Variants in ITGB1BP1 observed in about 807,000 individuals in gnomAD.
ITGB1BP1 encodes the protein integrin beta-1-binding protein 1.
ITGB1BP1 carries 20 observed loss-of-function variants against 28.0 expected under a neutral mutation model. The ratio of observed to expected loss-of-function variants is 0.71; its 90% CI spans 0.50 to 1.04. ITGB1BP1 has a LOEUF of 1.04. ITGB1BP1 is among the 50% of genes least tolerant of loss of function. The probability of loss-of-function intolerance (pLI) is 0.00; values close to 1 mark genes in which losing one functional copy is unlikely to be tolerated. For missense variants in ITGB1BP1, 228 were observed against 242.5 expected, an observed-to-expected ratio of 0.94 and a Z score of 0.40; for synonymous variants, 103 against 89.5, an observed-to-expected ratio of 1.15 and a Z score of -0.85.
At chr2:9,418,298 A>T (rs1297041878) in intron 2 of ITGB1BP1, among the ~76,000 whole-genome samples, 1 of 152,112 alleles carries the variant, frequency 6.6e-6, no homozygotes, top group Non-Finnish European at 1.5e-5. Flanking sequence ...CACACCACAA[A>T]CCCTAGAATT....
chr2:9,419,692 C>G (rs1373720497), intron 1 of ITGB1BP1, among the ~76,000 whole-genome samples: 1 of 152,170 alleles, frequency 6.6e-6, no homozygotes, highest in Non-Finnish European at 1.5e-5. Flanking sequence ...ATTAACTAAC[C>G]TACATGAAGC....
At chr2:9,421,810 C>T (rs1679901267) in intron 1 of ITGB1BP1, among the ~76,000 whole-genome samples, 1 of 152,186 alleles carries the variant, frequency 6.6e-6, no homozygotes, top group South Asian at 2.1e-4. Flanking sequence ...ATCCTCCCCT[C>T]CAGATCTGCT....
At chr2:9,412,153 C>A in intron 4 of ITGB1BP1, 116 bp downstream of exon 4, 4 of 834,144 alleles carry the variant, frequency 4.8e-6, no homozygotes, top group Non-Finnish European at 7.7e-6. Context: ...GGACTTCAGT[C>A]GAGAGCAAGC....
chr2:9,408,779 G>A (rs763234706), intron 4 of ITGB1BP1, among the ~76,000 whole-genome samples: 22 of 152,162 alleles, frequency 1.4e-4, no homozygotes, highest in African/African-American at 2.7e-4. Context: ...GTGCCCAGCC[G>A]CATTTTTACA....
intron 1 of ITGB1BP1, chr2:9,422,514 G>T (rs1680016310): frequency 3.0e-6 from 3 of 985,520 alleles, no homozygotes; most frequent in Non-Finnish European, 3.6e-6. Flanking sequence ...GGCCTTCCTG[G>T]GATCTCAAGG....
At chr2:9,411,701 C>T (rs535384618) in intron 4 of ITGB1BP1, among the ~76,000 whole-genome samples, 65 of 148,984 alleles carry the variant, frequency 4.4e-4, no homozygotes, top group African/African-American at 1.5e-3. Flanking sequence ...CCAGCCTGGG[C>T]GACAGACCGA....
chr2:9,407,418 C>A (rs750226942), intron 6 of ITGB1BP1, 31 bp downstream of exon 6: 1 of 1,613,458 alleles, frequency 6.2e-7, no homozygotes, highest in Admixed American at 1.7e-5. Flanking sequence ...ACTTGATGGG[C>A]AAGCAGCTAA....
chr2:9,413,318 C>T (rs927919906), intron 3 of ITGB1BP1, among the ~76,000 whole-genome samples: 2 of 151,932 alleles, frequency 1.3e-5, no homozygotes, highest in African/African-American at 4.8e-5. Context: ...TAGAAACCAC[C>T]TCTTGATTTC....
At chr2:9,411,475 G>A (rs965301110) in intron 4 of ITGB1BP1, among the ~76,000 whole-genome samples, 6 of 151,816 alleles carry the variant, frequency 4.0e-5, no homozygotes, top group Non-Finnish European at 7.4e-5. Flanking sequence ...TAATCCCAGC[G>A]CTTTGGGAGG....
At position 9,416,413 on chromosome 2, in the gene ITGB1BP1, C is replaced by T. The variant is rs534805500; in HGVS notation, c.73-2157G>A. Among the ~76,000 whole-genome samples, 19 of 152,156 alleles carry T rather than the reference C, an allele frequency of 1.2e-4. No individual in the cohort carries two copies. In the East Asian group the frequency reaches 2.9e-3, roughly 23 times the overall value. On this transcript the variant is annotated intron_variant, in intron 2 of 6. Coordinates refer to ENST00000355346, the MANE Select transcript of ITGB1BP1 (RefSeq NM_004763.5). ...AGCAGAGGACCCTCCACCGTGTGGGCGGGCCTCATCCAAGCAGGTGAAGGC... is the reference window on the plus strand; with the variant it reads ...AGCAGAGGACCCTCCACCGTGTGGGTGGGCCTCATCCAAGCAGGTGAAGGC...
In ITGB1BP1 at chr2:9,407,602, C is replaced by T; in HGVS notation, c.382-4G>A. On this transcript the variant is annotated splice_polypyrimidine_tract_variant and splice_region_variant and intron_variant, in intron 5 of 6. Coordinates refer to ENST00000355346, the MANE Select transcript of ITGB1BP1 (RefSeq NM_004763.5). ...GAGCATGCCTGTGCAAAACATCCTG[C>T]AGAAGTCAGGAAAGATTCCGAGAGA... 1.2e-6 allele frequency: 2 copies of T among 1,614,034 alleles called. No individual in the cohort carries two copies. Among genetic ancestry groups the T allele is most frequent in the Non-Finnish European group, 1.7e-6 (2 of 1,180,004 alleles).
rs1558410973 is a variant in ITGB1BP1, at chr2:9,404,548, A to G, written c.*2286T>C. ...TAATTGCGAGGGTAAGATTCATAGT[A>G]GGAATATTGGAAATTTTGGCACTCT... On this transcript the variant is annotated 3_prime_UTR_variant, in exon 7 of 7. Coordinates refer to ENST00000355346, the MANE Select transcript of ITGB1BP1 (RefSeq NM_004763.5). The G allele has an allele frequency of 6.6e-6, 1 of 152,440 alleles. No individual in the cohort carries two copies. The highest frequency in any genetic ancestry group is 2.4e-5 in the African/African-American group (1 of 41,462). The allele number at this position is 152,440 out of a possible 1,614,324, so 9.4% of individuals were successfully genotyped here. A position where few individuals can be genotyped will look rare whatever the true frequency, so the allele number is the denominator to read the frequency against.
rs1044547939 is a variant in ITGB1BP1 at position 9,423,518 on chromosome 2, T to C, written c.-181A>G. 3.6e-5 allele frequency: 43 copies of C among 1,190,750 alleles called. No individual in the cohort carries two copies. In the African/African-American group the frequency reaches 6.3e-4, roughly 17 times the overall value. 73.8% of individuals were successfully genotyped at this position (1,190,750 alleles called of 1,614,324 possible). A position where few individuals can be genotyped will look rare whatever the true frequency, so the allele number is the denominator to read the frequency against. On this transcript the variant is annotated 5_prime_UTR_variant, in exon 1 of 7. Transcript: ENST00000355346. Reference sequence around the variant, plus strand: ...CTGCCCACGTCCGCCGGGCCGCGCCTCCAAGACTATGCGCAGGCGCAGTCC... The same window carrying C: ...CTGCCCACGTCCGCCGGGCCGCGCCCCCAAGACTATGCGCAGGCGCAGTCC...
intron 4 of ITGB1BP1, 115 bp from the exon 5 acceptor site, chr2:9,408,320 G>A (rs1252213156): frequency 1.5e-6 from 1 of 667,612 alleles, no homozygotes; most frequent in East Asian, 2.7e-5. Context: ...AAAGAATGTG[G>A]GGTACACATT....
At chr2:9,412,519 C>T in intron 3 of ITGB1BP1, 114 bp from the exon 4 acceptor site, 1 of 825,530 alleles carries the variant, frequency 1.2e-6, no homozygotes, top group Non-Finnish European at 1.9e-6. Flanking sequence ...CCACTAATTA[C>T]AAATTTTATA....
At position 9,408,194 on chromosome 2, in the gene ITGB1BP1, C is replaced by T. The variant is rs771786535; in HGVS notation, c.300G>A (p.Lys100=). Residue 100 remains lysine, a synonymous_variant, in exon 5 of 7, where the codon AAG becomes AAA. Transcript: ENST00000355346. ...NYIDVAQQDG[K]LPFVPPEEEF... is the part of the protein sequence containing the mutation. ...CTTCCTCCGGAGGAACAAAAGGCAA[C>T]TTTCCATCTTGCTTTAAAGTAAAAA... The T allele has an allele frequency of 2.5e-6, 4 of 1,589,088 alleles. No homozygotes were observed. In the South Asian group the frequency reaches 4.4e-5, roughly 18 times the overall value.
At chr2:9,423,156 C>A (rs1461465852) in intron 1 of ITGB1BP1, 10 of 1,007,918 alleles carry the variant, frequency 9.9e-6, no homozygotes, top group South Asian at 8.8e-5. Flanking sequence ...AAGCTGCAGT[C>A]CGCAAGCCCA....
At position 9,423,397 on chromosome 2, in the gene ITGB1BP1, G is replaced by T. The variant is rs1317454166; in HGVS notation, c.-60C>A. ...CCTCGCAGCCGCGGGCCCATCCCCG[G>T]GTTGCGGACTTCGGGGTCCGCGTGG... On this transcript the variant is annotated 5_prime_UTR_variant, in exon 1 of 7. Transcript: ENST00000355346. The T allele has an allele frequency of 8.8e-7, 1 of 1,141,198 alleles. No individual in the cohort carries two copies. Among genetic ancestry groups the T allele is most frequent in the African/African-American group, 1.7e-5 (1 of 58,922 alleles). The allele number at this position is 1,141,198 out of a possible 1,614,324, so 70.7% of individuals were successfully genotyped here.
intron 1 of ITGB1BP1, 126 bp downstream of exon 1, chr2:9,423,247 C>T (rs559074928): frequency 6.1e-6 from 7 of 1,145,346 alleles, no homozygotes; most frequent in African/African-American, 1.7e-5. Context: ...CGAGCCCAGG[C>T]ATCCCTCCTC....
Sources: gnomAD v4.1 joint callset for allele counts (sites outside exome capture counted in the v4.1 genomes callset) on GRCh38, gnomAD v4.1.1 for gene constraint, MANE v1.5 for transcripts, NCBI Gene and HGNC (gene_info 2026-07-23, HGNC 2026-07-21) for gene names.